The following KALRN variants were observed in gnomAD, a reference collection of about 807,000 sequenced individuals.
KALRN encodes kalirin.
In KALRN, 70 loss-of-function variants were observed where a neutral mutation model predicts 353.7. The observed-to-expected ratio is 0.20, with a 90% CI of 0.16 to 0.24. The LOEUF is 0.24. Ranked by LOEUF, KALRN falls within the 10% of genes least tolerant of loss-of-function variation. The pLI, the probability that KALRN is intolerant of heterozygous loss-of-function variation, is 1.00. For missense variants in KALRN, 2,791 were observed against 3,756.7 expected (o/e 0.74, Z 6.72); for synonymous variants, 1,391 against 1,434.8 (o/e 0.97, Z 0.69).
intron 13 of KALRN, among the ~76,000 whole-genome samples, chr3:124,405,876 C>T (rs946363255): frequency 2.6e-5 from 4 of 152,110 alleles, no homozygotes; most frequent in African/African-American, 9.7e-5. Flanking sequence ...GATCTCCTGA[C>T]CTCGTGATCC....
chr3:124,157,846 C>A (rs1438093678), intron 1 of KALRN, among the ~76,000 whole-genome samples: 1 of 152,118 alleles, frequency 6.6e-6, no homozygotes, highest in African/African-American at 2.4e-5. Flanking sequence ...TCAGAAAATT[C>A]CACCTCTGCC....
At chr3:124,628,458 CTCCTTCCCT>C (rs1225435856) in intron 34 of KALRN, among the ~76,000 whole-genome samples, 21 of 118,354 alleles carry the variant, frequency 1.8e-4, no homozygotes, top group East Asian at 5.1e-4. Flanking sequence ...CTCCTTTCCC[CTCCTTCCCT>C]TCCTTCCCTT....
intron 10 of KALRN, among the ~76,000 whole-genome samples, chr3:124,368,235 G>T (rs28688789): frequency 0.3 from 39,608 of 132,472 alleles, 6,838 homozygotes; most frequent in Middle Eastern, 0.44. Context: ...TGGCCAGGCG[G>T]GGGGCTGACC....
intron 38 of KALRN, among the ~76,000 whole-genome samples, chr3:124,653,620 A>G (rs1027405178): frequency 3.3e-5 from 5 of 152,238 alleles, no homozygotes; most frequent in African/African-American, 1.2e-4. Flanking sequence ...TAAATTAGCC[A>G]TGGAGAAAAA....
chr3:124,375,635 G>A (rs2086484987), intron 10 of KALRN, among the ~76,000 whole-genome samples: 1 of 152,196 alleles, frequency 6.6e-6, no homozygotes, highest in Non-Finnish European at 1.5e-5. Context: ...ATTATACCTT[G>A]TAACTAGTAT....
chr3:124,251,379 C>CTT (rs200446664), intron 3 of KALRN, among the ~76,000 whole-genome samples: 41,952 of 120,028 alleles, frequency 0.35, 7,491 homozygotes, highest in East Asian at 0.66. Context: ...TTCTTTTTTT[C>CTT]TTTTTTTTTG....
chr3:124,296,793 G>A (rs958924640), intron 5 of KALRN, among the ~76,000 whole-genome samples: 3 of 152,184 alleles, frequency 2.0e-5, no homozygotes, highest in Non-Finnish European at 2.9e-5. Context: ...CAGTTCTGTC[G>A]CTTTGCCTGA....
intron 45 of KALRN, among the ~76,000 whole-genome samples, chr3:124,664,230 G>C (rs1435066249): frequency 6.6e-6 from 1 of 152,082 alleles, no homozygotes; most frequent in Non-Finnish European, 1.5e-5. Flanking sequence ...GAGTCTAACT[G>C]TGCTTCTCTG....
chr3:124,467,147 A>G (rs1473430281), intron 25 of KALRN, among the ~76,000 whole-genome samples: 2 of 152,170 alleles, frequency 1.3e-5, no homozygotes, highest in Non-Finnish European at 2.9e-5. Flanking sequence ...GAGCAGGACC[A>G]GAGATGTGTG....
At chr3:124,634,869 C>T (rs916988292) in intron 36 of KALRN, among the ~76,000 whole-genome samples, 10 of 152,204 alleles carry the variant, frequency 6.6e-5, no homozygotes, top group Admixed American at 2.0e-4. Flanking sequence ...CCAGGCTCTC[C>T]TGTGCTCTCT....
chr3:124,194,106 G>A (rs1167699924), intron 1 of KALRN, among the ~76,000 whole-genome samples: 1 of 151,636 alleles, frequency 6.6e-6, no homozygotes, highest in Non-Finnish European at 1.5e-5. Flanking sequence ...TCTGGGGACA[G>A]AGACTGGTTA....
intron 34 of KALRN, among the ~76,000 whole-genome samples, chr3:124,572,858 C>T (rs575996902): frequency 2.0e-4 from 31 of 151,948 alleles, no homozygotes; most frequent in Non-Finnish European, 3.2e-4. Context: ...GGCAACAGAG[C>T]GAGACCCCGT....
At chr3:124,225,666 G>T (rs2078398989) in intron 1 of KALRN, among the ~76,000 whole-genome samples, 1 of 152,198 alleles carries the variant, frequency 6.6e-6, no homozygotes, top group African/African-American at 2.4e-5. Flanking sequence ...GATGAGACTT[G>T]GAGCTTCCTC....
intron 34 of KALRN, among the ~76,000 whole-genome samples, chr3:124,576,859 G>A (rs1377061098): frequency 1.3e-5 from 2 of 152,210 alleles, no homozygotes; most frequent in African/African-American, 2.4e-5. Context: ...AACTCAGAGT[G>A]ATAGACTGGC....
chr3:124,065,513 T>C (rs1447318312), intron 1 of KALRN, among the ~76,000 whole-genome samples: 1 of 151,080 alleles, frequency 6.6e-6, no homozygotes, highest in East Asian at 1.9e-4. Context: ...CACTTCAAAA[T>C]AATTCAGCAA....
intron 1 of KALRN, among the ~76,000 whole-genome samples, chr3:124,223,580 A>G (rs1297825895): frequency 6.6e-6 from 1 of 152,200 alleles, no homozygotes; most frequent in Non-Finnish European, 1.5e-5. Context: ...CAATCCATGG[A>G]TACTCTGGCA....
At chr3:124,604,817 G>A (rs903280406) in intron 34 of KALRN, among the ~76,000 whole-genome samples, 6 of 151,298 alleles carry the variant, frequency 4.0e-5, no homozygotes, top group Admixed American at 1.3e-4. Flanking sequence ...CTCCTGAGTA[G>A]GTGGGACCAC....
intron 5 of KALRN, among the ~76,000 whole-genome samples, chr3:124,271,013 A>G (rs2074108690): frequency 6.6e-6 from 1 of 151,462 alleles, no homozygotes; most frequent in South Asian, 2.1e-4. Flanking sequence ...GTATTTTTTT[A>G]GTAGAGACGG....
intron 11 of KALRN, among the ~76,000 whole-genome samples, chr3:124,391,064 A>G (rs1450022429): frequency 6.6e-6 from 1 of 152,210 alleles, no homozygotes; most frequent in Non-Finnish European, 1.5e-5. Flanking sequence ...TTTTGGATGT[A>G]GATATTTTTG....
Sources: gnomAD v4.1 joint callset for allele counts (sites outside exome capture counted in the v4.1 genomes callset) on GRCh38, gnomAD v4.1.1 for gene constraint, MANE v1.5 for transcripts, NCBI Gene and HGNC (gene_info 2026-07-23, HGNC 2026-07-21) for gene names.